Variants in BORCS5 observed in about 807,000 individuals in gnomAD.
BORCS5 encodes BLOC-1-related complex subunit 5.
Under a neutral mutation model 22.1 loss-of-function variants are expected in BORCS5, and 17 were observed. The observed-to-expected ratio is 0.77, with a 90% confidence interval of 0.53 to 1.15. BORCS5 has a LOEUF of 1.15. BORCS5 is among the 50% of genes most tolerant of loss of function. The pLI is 0.00. For missense variants in BORCS5, 247 were observed against 253.2 expected (o/e 0.98, Z 0.17); for synonymous variants, 117 against 99.8 (o/e 1.17, Z -1.03).
intron 2 of BORCS5, among the ~76,000 whole-genome samples, chr12:12,408,511 A>G (rs1202376100): frequency 6.6e-6 from 1 of 152,182 alleles, no homozygotes; most frequent in Non-Finnish European, 1.5e-5. Flanking sequence ...AATGTTTTTC[A>G]TCTTGCAAAC....
At chr12:12,400,351 A>C (rs1340474155) in intron 2 of BORCS5, among the ~76,000 whole-genome samples, 1 of 152,184 alleles carries the variant, frequency 6.6e-6, no homozygotes, top group Non-Finnish European at 1.5e-5. Flanking sequence ...TCGGTCAACC[A>C]CATGACAAAA....
At chr12:12,450,231 C>G (rs561835507) in intron 3 of BORCS5, among the ~76,000 whole-genome samples, 1 of 152,316 alleles carries the variant, frequency 6.6e-6, no homozygotes, top group Admixed American at 6.5e-5. Context: ...AGGGATAGTG[C>G]TTGCCCACTC....
At chr12:12,389,843 CA>C (rs1217435085) in intron 2 of BORCS5, among the ~76,000 whole-genome samples, 2 of 152,018 alleles carry the variant, frequency 1.3e-5, no homozygotes, top group Non-Finnish European at 2.9e-5. Context: ...AGGGTTTTGC[CA>C]TGTTGGCCAG....
chr12:12,459,614 T>A (rs1380161590), intron 3 of BORCS5, among the ~76,000 whole-genome samples: 2 of 152,212 alleles, frequency 1.3e-5, no homozygotes, highest in African/African-American at 4.8e-5. Flanking sequence ...CCAGCCAAGG[T>A]AGCAAAGATT....
chr12:12,436,963 A>C (rs1592126927), intron 3 of BORCS5, among the ~76,000 whole-genome samples: 1 of 152,204 alleles, frequency 6.6e-6, no homozygotes, highest in Non-Finnish European at 1.5e-5. Flanking sequence ...TTACTTTCCA[A>C]ACATGACTAT....
At chr12:12,421,462 T>C (rs1942120526) in intron 2 of BORCS5, among the ~76,000 whole-genome samples, 1 of 152,216 alleles carries the variant, frequency 6.6e-6, no homozygotes, top group Non-Finnish European at 1.5e-5. Flanking sequence ...CAGTATTTTA[T>C]TGAGGATTTT....
chr12:12,419,739 A>G (rs921663257), intron 2 of BORCS5, among the ~76,000 whole-genome samples: 3 of 152,092 alleles, frequency 2.0e-5, no homozygotes, highest in African/African-American at 7.2e-5. Flanking sequence ...TTGCCATTCT[A>G]ATTGGCATGA....
chr12:12,454,729 CATTGTTAGAATAATATAA>C, intron 3 of BORCS5, among the ~76,000 whole-genome samples: 1 of 152,190 alleles, frequency 6.6e-6, no homozygotes, highest in Non-Finnish European at 1.5e-5. Flanking sequence ...CTTTGCCATT[CATTGTTAGAATAATATAA>C]ACATACATGT....
At chr12:12,385,005 G>A (rs1248909936) in intron 2 of BORCS5, among the ~76,000 whole-genome samples, 2 of 151,304 alleles carry the variant, frequency 1.3e-5, no homozygotes, top group African/African-American at 4.9e-5. Flanking sequence ...ATCAGAGGTT[G>A]TACTTAACCA....
intron 2 of BORCS5, among the ~76,000 whole-genome samples, chr12:12,404,693 T>G (rs1352614637): frequency 6.6e-6 from 1 of 152,114 alleles, no homozygotes; most frequent in East Asian, 1.9e-4. Context: ...ACTTTTTTGT[T>G]TTGGTTTGGT....
intron 2 of BORCS5, among the ~76,000 whole-genome samples, chr12:12,407,598 C>T (rs10845532): frequency 0.12 from 18,244 of 152,052 alleles, 1,486 homozygotes; most frequent in Admixed American, 0.2. Context: ...GGAACTTCTC[C>T]GTTATCCCAA....
intron 3 of BORCS5, among the ~76,000 whole-genome samples, chr12:12,454,034 C>G (rs1221860776): frequency 6.6e-6 from 1 of 152,082 alleles, no homozygotes; most frequent in Non-Finnish European, 1.5e-5. Context: ...TATGGATGAA[C>G]AATATTTTAT....
intron 2 of BORCS5, among the ~76,000 whole-genome samples, chr12:12,398,864 G>A (rs749230046): frequency 5.9e-5 from 9 of 152,272 alleles, no homozygotes; most frequent in Non-Finnish European, 1.3e-4. Context: ...GAAATTAGTT[G>A]GAGTTATCTG....
chr12:12,423,513 T>C (rs889598201), intron 2 of BORCS5, among the ~76,000 whole-genome samples: 3 of 146,646 alleles, frequency 2.0e-5, no homozygotes, highest in African/African-American at 5.2e-5. Context: ...AGGATAGTTT[T>C]ACTGGATATA....
chr12:12,417,342 A>G (rs532858790), intron 2 of BORCS5, among the ~76,000 whole-genome samples: 33 of 152,240 alleles, frequency 2.2e-4, no homozygotes, highest in African/African-American at 7.9e-4. Context: ...TATAATATCT[A>G]TCTTTTGAAA....
intron 2 of BORCS5, among the ~76,000 whole-genome samples, chr12:12,430,849 AC>A (rs1453473769): frequency 7.2e-5 from 11 of 152,206 alleles, no homozygotes; most frequent in African/African-American, 2.6e-4. Flanking sequence ...GCATCTATAT[AC>A]CTTTTAAAAA....
At position 12,425,736 on chromosome 12, in the gene BORCS5, A is replaced by G. The variant is rs147184055; in HGVS notation, c.203-9892A>G. On this transcript the variant is annotated intron_variant, in intron 2 of 3. Coordinates refer to ENST00000314565, the MANE Select transcript of BORCS5 (RefSeq NM_058169.6). ...CTTTTCATATTTGCCTTCCTTATAA[A>G]TAACTCCTGCTTCTTCTGGTAATCT... is the stretch of plus-strand genomic sequence containing the variant. Among the ~76,000 whole-genome samples the G allele has an allele frequency of 7.0e-4, 106 of 152,320 alleles. 3 individuals are homozygous for G. Among genetic ancestry groups the G allele is most frequent in the Middle Eastern group, 6.8e-3 (2 of 294 alleles).
intron 3 of BORCS5, among the ~76,000 whole-genome samples, chr12:12,457,619 G>A (rs749095252): frequency 8.5e-5 from 13 of 152,274 alleles, no homozygotes; most frequent in Admixed American, 2.6e-4. Flanking sequence ...GCAGTGAGCC[G>A]AGATCGCGCC....
At chr12:12,359,475 C>T (rs1414118652) in intron 1 of BORCS5, among the ~76,000 whole-genome samples, 2 of 151,704 alleles carry the variant, frequency 1.3e-5, no homozygotes, top group East Asian at 1.9e-4. Context: ...AATTTTCCTG[C>T]CTCAGCCTCC....
Sources: gnomAD v4.1 joint callset for allele counts (sites outside exome capture counted in the v4.1 genomes callset) on GRCh38, gnomAD v4.1.1 for gene constraint, MANE v1.5 for transcripts, NCBI Gene and HGNC (gene_info 2026-07-23, HGNC 2026-07-21) for gene names.